Variants in GIGYF1 observed in about 807,000 individuals in gnomAD.
GIGYF1 encodes the protein GRB10 interacting GYF protein 1.
A neutral mutation model predicts 147.1 loss-of-function variants in GIGYF1; 84 were observed. That is an observed-to-expected ratio of 0.57 (90% CI 0.48 to 0.68). The LOEUF (loss-of-function observed/expected upper bound fraction) is 0.68. Ranked by LOEUF, GIGYF1 falls within the 30% of genes least tolerant of loss-of-function variation. GIGYF1 has a pLI of 0.00. For missense variants in GIGYF1, 1,485 were observed against 1,393.7 expected (o/e 1.07, Z -1.04); for synonymous variants, 752 against 589.5 (o/e 1.28, Z -3.99).
intron 6 of GIGYF1, 77 bp downstream of exon 6, chr7:100,687,711 T>A: frequency 8.3e-7 from 1 of 1,204,100 alleles, no homozygotes; most frequent in Non-Finnish European, 1.2e-6. Context: ...TCCTCAGCGC[T>A]GGCCCCTCTC....
Position 100,685,030 on chromosome 7 carries a change from C to T in GIGYF1, c.1290+19G>A, listed in dbSNP as rs768657385. The stretch of plus-strand genomic sequence containing the variant: ...TCAGAAGTGGGAAGGGTCCCTCCCG[C>T]TTTCTCAGGCCCCCACACCTGCTGC... On this transcript the variant is annotated intron_variant, in intron 14 of 26. Transcript: ENST00000678049. 3.1e-5 allele frequency: 49 copies of T among 1,559,488 alleles called. No individual in the cohort carries two copies. The highest frequency in any genetic ancestry group is 4.2e-5 in the Non-Finnish European group (48 of 1,149,900).
At chr7:100,685,675 G>C (rs182347231) in intron 12 of GIGYF1, among the ~76,000 whole-genome samples, 194 bp from the exon 13 acceptor site, 42 of 152,306 alleles carry the variant, frequency 2.8e-4, no homozygotes, top group Non-Finnish European at 5.4e-4. Context: ...GCCAGACGCG[G>C]CAGGAACATA....
At chr7:100,683,479 A>T in intron 20 of GIGYF1, 35 bp from the exon 21 acceptor site, 1 of 1,614,150 alleles carries the variant, frequency 6.2e-7, no homozygotes, top group Non-Finnish European at 8.5e-7. Flanking sequence ...GGAGAGCTGC[A>T]GGGGACAGCC....
At chr7:100,685,765 C>G (rs908128196) in intron 12 of GIGYF1, among the ~76,000 whole-genome samples, 1 of 152,190 alleles carries the variant, frequency 6.6e-6, no homozygotes, top group South Asian at 2.1e-4. Flanking sequence ...TTTCAAAGGT[C>G]ATTTTGATTA....
chr7:100,683,493 G>A (rs748549149), intron 20 of GIGYF1, 49 bp from the exon 21 acceptor site: 2 of 1,613,504 alleles, frequency 1.2e-6, no homozygotes, highest in Non-Finnish European at 1.7e-6. Context: ...GACAGCCTGG[G>A]GCCTGCCTCG....
At chr7:100,687,092 T>A (rs1263987095) in intron 8 of GIGYF1, 46 bp from the exon 9 acceptor site, 5 of 1,611,462 alleles carry the variant, frequency 3.1e-6, no homozygotes, top group Non-Finnish European at 4.2e-6. Context: ...CAGCCTCCCC[T>A]GCCACCCTGT....
rs1295147889 is a variant in GIGYF1 at position 100,679,647 on chromosome 7, CACCCCA to C, written c.*2066_*2071del. The C allele has an allele frequency of 6.5e-6, 1 of 152,700 alleles. No individual in the cohort carries two copies. Among genetic ancestry groups the C allele is most frequent in the Non-Finnish European group, 1.5e-5 (1 of 68,146 alleles). The allele number at this position is 152,700 out of a possible 1,614,324, so 9.5% of individuals were successfully genotyped here. A position where few individuals can be genotyped will look rare whatever the true frequency, so the allele number is the denominator to read the frequency against. On this transcript the variant is annotated 3_prime_UTR_variant, in exon 27 of 27. Coordinates refer to ENST00000678049, the MANE Select transcript of GIGYF1 (RefSeq NM_001375765.1). ...CAGGGAACACGGTGACCCCTGCACCCACCCCAACCCCAGGAAGGGCAGGGGAGCAGC... is the reference window on the plus strand; with the variant it reads ...CAGGGAACACGGTGACCCCTGCACCCACCCCAGGAAGGGCAGGGGAGCAGC...
intron 18 of GIGYF1, 40 bp downstream of exon 18, chr7:100,683,980 C>T (rs774413212): frequency 6.3e-6 from 10 of 1,582,440 alleles, no homozygotes; most frequent in East Asian, 2.3e-5. Context: ...CCCCATCCCC[C>T]CCCCACCCTG....
chr7:100,692,879 G>T (rs1423562761), intron 1 of GIGYF1, among the ~76,000 whole-genome samples: 2 of 152,174 alleles, frequency 1.3e-5, no homozygotes, highest in African/African-American at 2.4e-5. Flanking sequence ...GTGGAGGGTG[G>T]CTAGCCTAGG....
At position 100,689,257 on chromosome 7, in the gene GIGYF1, G is replaced by C. The variant is rs1293794733; in HGVS notation, c.-800C>G. On this transcript the variant is annotated 5_prime_UTR_variant, in exon 2 of 27. Coordinates refer to ENST00000678049, the MANE Select transcript of GIGYF1 (RefSeq NM_001375765.1). Reference sequence around the variant, plus strand: ...ACCACCGCCCCCAATCAATAATGGAGGCTTAAACAACCAAGCCACCAAGGG... The same window carrying C: ...ACCACCGCCCCCAATCAATAATGGACGCTTAAACAACCAAGCCACCAAGGG... 6.6e-6 allele frequency: 1 copy of C among 152,340 alleles called. No homozygotes were observed. The highest frequency in any genetic ancestry group is 2.4e-5 in the African/African-American group (1 of 41,438). The allele number at this position is 152,340 out of a possible 1,614,324, so 9.4% of individuals were successfully genotyped here.
Position 100,681,739 on chromosome 7 carries a change from C to G in GIGYF1, c.3088G>C (p.Glu1030Gln). ...GCTGGTCAGTAGTCATCCACGCTCT[C>G]GATCTCACCAGAAGATCCGTGCAGG... The part of the protein sequence containing the change: ...YSLHGSSGEI[E>Q]SVDDY Residue 1030 changes from glutamate (E) to glutamine (Q), a missense_variant, in exon 27 of 27, where the codon GAG becomes CAG. By Grantham distance (29) the Glu-to-Gln change is conservative (BLOSUM62 2). Transcript: ENST00000678049. The G allele has an allele frequency of 1.3e-6, 2 of 1,578,436 alleles. No homozygotes were observed. Among genetic ancestry groups the G allele is most frequent in the Non-Finnish European group, 1.7e-6 (2 of 1,161,654 alleles).
In GIGYF1 at chr7:100,682,593, A is replaced by G; in HGVS notation, c.2597T>C (p.Leu866Pro). Residue 866 changes from leucine to proline, a missense_variant, in exon 23 of 27, where the codon CTC (leucine) becomes CCC (proline). Coordinates refer to ENST00000678049, the MANE Select transcript of GIGYF1 (RefSeq NM_001375765.1). ...GLKNSRSSPSLSDSYSHLSGR... is the reference protein window; with the variant it reads ...GLKNSRSSPSPSDSYSHLSGR... ...AGCCTCCAGGTGCCACGCCCACCTG[A>G]GAGATGGGCTGCTCCGGCTGTTCTT... The G allele has an allele frequency of 6.3e-7, 1 of 1,596,352 alleles. No individual in the cohort carries two copies. The highest frequency in any genetic ancestry group is 8.5e-7 in the Non-Finnish European group (1 of 1,174,680).
At chr7:100,682,259 A>G in intron 24 of GIGYF1, 24 bp from the exon 25 acceptor site, 1 of 1,608,536 alleles carries the variant, frequency 6.2e-7, no homozygotes. Context: ...GAAGGCTGTC[A>G]GGGCCCCCTG....
Position 100,687,872 on chromosome 7 carries a change from C to T in GIGYF1, c.177G>A (p.Glu59=). The change falls in exon 6 of 27, where the codon GAG becomes GAA. Residue 59 remains glutamate, a synonymous_variant. Coordinates refer to ENST00000678049, the MANE Select transcript of GIGYF1 (RefSeq NM_001375765.1). ...LYVKENKVPE[E]LQDKEFAAVL... The stretch of plus-strand genomic sequence containing the variant: ...CCGCGGCGAACTCCTTGTCCTGCAG[C>T]TCTTCCGGGACCTGGCAGTGGGTTG... The T allele has an allele frequency of 6.2e-7, 1 of 1,613,538 alleles. No individual in the cohort carries two copies. Among genetic ancestry groups the T allele is most frequent in the Non-Finnish European group, 8.5e-7 (1 of 1,179,994 alleles).
intron 12 of GIGYF1, 70 bp from the exon 13 acceptor site, chr7:100,685,551 T>C (rs551190901): frequency 4.5e-6 from 7 of 1,549,966 alleles, no homozygotes; most frequent in Admixed American, 2.2e-5. Context: ...CACAAGCCCT[T>C]GAGTGTGGCT....
At chr7:100,691,277 T>C (rs1805803953) in intron 1 of GIGYF1, among the ~76,000 whole-genome samples, 1 of 152,174 alleles carries the variant, frequency 6.6e-6, no homozygotes, top group Admixed American at 6.5e-5. Context: ...CCAAGAGCTA[T>C]GTGACTCCAG....
rs140244722 is a variant in GIGYF1 at position 100,683,857 on chromosome 7, G to C, written c.1930C>G (p.Arg644Gly). The C allele has an allele frequency of 7.7e-6, 12 of 1,564,656 alleles. No homozygotes were observed. Among genetic ancestry groups the C allele is most frequent in the African/African-American group, 1.4e-5 (1 of 73,756 alleles). The change falls in exon 19 of 27, where the codon CGC becomes GGC. Residue 644 changes from arginine (R) to glycine (G), a missense_variant. By Grantham distance (125) the Arg-to-Gly change is moderately radical (BLOSUM62 -2). Coordinates refer to ENST00000678049, the MANE Select transcript of GIGYF1 (RefSeq NM_001375765.1). The stretch of plus-strand genomic sequence containing the variant: ...GCTGAGGTATGTACGTCCCAGAGGC[G>C]GCCCGAATCTGGCACCGACAAGGAC... ...SRSLSVPDSG[R>G]LWDVHTSASS...
In GIGYF1 at chr7:100,684,151, C is replaced by T; in HGVS notation, c.1737G>A (p.Gln579=). The change falls in exon 18 of 27, where the codon CAG becomes CAA. Residue 579 remains glutamine (Q), a synonymous_variant. Coordinates refer to ENST00000678049, the MANE Select transcript of GIGYF1 (RefSeq NM_001375765.1). ...QQFLQLVSSR[Q]LPQCALREKA... Reference sequence around the variant, plus strand: ...TTTCTCGGAGCGCGCACTGTGGGAGCTGGCGGCTGCAAATGGGACAGTGGA... The same window carrying T: ...TTTCTCGGAGCGCGCACTGTGGGAGTTGGCGGCTGCAAATGGGACAGTGGA... 6.2e-7 allele frequency: 1 copy of T among 1,608,654 alleles called. No individual in the cohort carries two copies. The highest frequency in any genetic ancestry group is 1.1e-5 in the South Asian group (1 of 90,992).
chr7:100,691,786 C>T (rs1805851268), intron 1 of GIGYF1, among the ~76,000 whole-genome samples: 1 of 152,176 alleles, frequency 6.6e-6, no homozygotes, highest in Non-Finnish European at 1.5e-5. Flanking sequence ...CCTGTCTACC[C>T]TCACTCCCCC....
Sources: gnomAD v4.1 joint callset for allele counts (sites outside exome capture counted in the v4.1 genomes callset) on GRCh38, gnomAD v4.1.1 for gene constraint, MANE v1.5 for transcripts, NCBI Gene and HGNC (gene_info 2026-07-23, HGNC 2026-07-21) for gene names.